KIAA0513: variants seen among roughly 807,000 people sequenced by gnomAD.
KIAA0513 encodes uncharacterized protein KIAA0513.
A neutral mutation model predicts 56.5 loss-of-function variants in KIAA0513; 39 were observed. The ratio of observed to expected loss-of-function variants is 0.69; its 90% CI spans 0.53 to 0.90. KIAA0513 has a LOEUF of 0.90. KIAA0513 is among the 40% of genes least tolerant of loss of function. KIAA0513 has a pLI of 0.00. For missense variants in KIAA0513, 591 were observed against 535.2 expected, an observed-to-expected ratio of 1.10 and a Z score of -1.03; for synonymous variants, 268 against 215.6, an observed-to-expected ratio of 1.24 and a Z score of -2.13.
intron 1 of KIAA0513, among the ~76,000 whole-genome samples, chr16:85,061,896 T>G (rs758457200): frequency 3.9e-5 from 6 of 152,202 alleles, no homozygotes; most frequent in Non-Finnish European, 7.3e-5. Context: ...TCTTTTCCCA[T>G]GAGCGGTGGC....
intron 1 of KIAA0513, among the ~76,000 whole-genome samples, chr16:85,062,828 G>A (rs895547739): frequency 1.2e-4 from 18 of 152,112 alleles, no homozygotes; most frequent in African/African-American, 3.9e-4. Flanking sequence ...CTCTGTTTTC[G>A]CCAGATGGCC....
At chr16:85,052,124 G>A (rs978728890) in intron 1 of KIAA0513, among the ~76,000 whole-genome samples, 5 of 152,120 alleles carry the variant, frequency 3.3e-5, no homozygotes, top group African/African-American at 7.2e-5. Flanking sequence ...GATCGAGACC[G>A]TCCTGGCCAA....
intron 2 of KIAA0513, among the ~76,000 whole-genome samples, chr16:85,068,358 A>C (rs2073520989): frequency 6.8e-6 from 1 of 147,056 alleles, no homozygotes; most frequent in African/African-American, 2.5e-5. Flanking sequence ...TTTGAGACAG[A>C]GTCTGGCTCT....
intron 12 of KIAA0513, among the ~76,000 whole-genome samples, chr16:85,087,692 T>C (rs144469304): frequency 3.5e-3 from 527 of 152,334 alleles, no homozygotes; most frequent in African/African-American, 0.011. Context: ...GCCCCCGCCA[T>C]CTGCCACAGG....
At chr16:85,028,191 A>T (rs949502400) in intron 1 of KIAA0513, among the ~76,000 whole-genome samples, 4 of 152,000 alleles carry the variant, frequency 2.6e-5, no homozygotes, top group African/African-American at 9.7e-5. Context: ...GGCGCCCCCA[A>T]CCCCGGGGCA....
At chr16:85,046,464 G>A (rs374248717) in intron 1 of KIAA0513, among the ~76,000 whole-genome samples, 30 of 152,332 alleles carry the variant, frequency 2.0e-4, no homozygotes, top group Middle Eastern at 3.4e-3. Flanking sequence ...TCAGCCCAGC[G>A]GAGGCCCGTC....
Position 85,081,191 on chromosome 16 carries a change from C to G in KIAA0513, c.903-124C>G. 3.4e-6 allele frequency: 3 copies of G among 874,090 alleles called. No individual in the cohort carries two copies. The highest frequency in any genetic ancestry group is 5.7e-6 in the Non-Finnish European group (3 of 525,358). 54.1% of individuals were successfully genotyped at this position (874,090 alleles called of 1,614,324 possible). Reference sequence around the variant, plus strand: ...GTTTTTCCTTCTCAGCCCTACCTCTCTGAGACTTCTTAGAAGCTCAGACAG... The same window carrying G: ...GTTTTTCCTTCTCAGCCCTACCTCTGTGAGACTTCTTAGAAGCTCAGACAG... On this transcript the variant is annotated intron_variant, in intron 8 of 12. Coordinates refer to ENST00000683363, the MANE Select transcript of KIAA0513 (RefSeq NM_001388359.1). This position sits in a 1 kb window ranked among gnomAD's most constrained non-coding sequence, Gnocchi z 4.4.
At chr16:85,049,713 T>C (rs2073222308) in intron 1 of KIAA0513, among the ~76,000 whole-genome samples, 1 of 152,210 alleles carries the variant, frequency 6.6e-6, no homozygotes, top group Non-Finnish European at 1.5e-5. Flanking sequence ...GATGCCAGCA[T>C]CATGCTTCCT....
At chr16:85,084,881 G>A (rs577273978) in intron 10 of KIAA0513, among the ~76,000 whole-genome samples, 1 of 152,356 alleles carries the variant, frequency 6.6e-6, no homozygotes, top group African/African-American at 2.4e-5. Flanking sequence ...GTTGTAAGAA[G>A]TGATTTTATC....
At chr16:85,044,588 C>G (rs935922600) in intron 1 of KIAA0513, among the ~76,000 whole-genome samples, 1 of 151,618 alleles carries the variant, frequency 6.6e-6, no homozygotes. Flanking sequence ...CTCACAGCAA[C>G]CTCTGCCTCC....
At chr16:85,078,320 A>C (rs902802902) in intron 6 of KIAA0513, 95 bp from the exon 7 acceptor site, 1 of 1,338,078 alleles carries the variant, frequency 7.5e-7, no homozygotes, top group African/African-American at 1.5e-5. Flanking sequence ...TATTAAATGT[A>C]CCCAGTCCCA....
At chr16:85,056,624 GGCCGCGCTCGCC>G (rs2073333604) in intron 1 of KIAA0513, among the ~76,000 whole-genome samples, 1 of 152,070 alleles carries the variant, frequency 6.6e-6, no homozygotes, top group Non-Finnish European at 1.5e-5. Context: ...CATTCCTCCG[GGCCGCGCTCGCC>G]GAGAGCCCTT....
chr16:85,042,203 T>C, intron 1 of KIAA0513, among the ~76,000 whole-genome samples: 1 of 152,228 alleles, frequency 6.6e-6, no homozygotes, highest in South Asian at 2.1e-4. Flanking sequence ...GGGTGAAAAG[T>C]GCTAAGCCCT....
rs760885458 is a variant in KIAA0513, at chr16:85,077,526, A to G, written c.676A>G (p.Ile226Val). The G allele has an allele frequency of 8.7e-6, 14 of 1,614,094 alleles. No individual in the cohort carries two copies. Among genetic ancestry groups the G allele is most frequent in the Non-Finnish European group, 1.2e-5 (14 of 1,180,034 alleles). ...ANSWLAEKKD[I>V]AERLLKNTSA... ...CAGCTGGCTGGCCGAAAAGAAGGAC[A>G]TCGCCGAGCGGCTGCTGAAGAACAC... is the stretch of plus-strand genomic sequence containing the variant. The change falls in exon 6 of 13, where the codon ATC (isoleucine) becomes GTC (valine). Residue 226 changes from isoleucine (I) to valine (V), a missense_variant. By Grantham distance (29) the Ile-to-Val change is conservative. Transcript: ENST00000683363.
intron 1 of KIAA0513, among the ~76,000 whole-genome samples, chr16:85,030,352 G>T (rs975993396): frequency 9.9e-5 from 15 of 152,178 alleles, no homozygotes; most frequent in Admixed American, 8.5e-4. Flanking sequence ...GAGAAATGCG[G>T]TGGTTGTGAA....
In KIAA0513 at chr16:85,079,020, G is replaced by A. The variant is rs1291156947; in HGVS notation, c.902+17G>A. 8.7e-6 allele frequency: 14 copies of A among 1,613,970 alleles called. No homozygotes were observed. The highest frequency in any genetic ancestry group is 8.3e-5 in the Admixed American group (5 of 60,004). ...GCCCATCTGGTAAGGCCGAGCCCGC[G>A]GCTTCCCGTCACCCTCTTACTGACG... On this transcript the variant is annotated intron_variant, in intron 8 of 12. Transcript: ENST00000683363.
Position 85,065,619 on chromosome 16 carries a change from T to A in KIAA0513, c.-172-1281T>A, listed in dbSNP as rs541734952. On this transcript the variant is annotated intron_variant, in intron 1 of 12. Transcript: ENST00000683363. ...GCTCTTAAGAGGCAGAAAAGGCCAT[T>A]CTGCTATTGAATTGTCCTCTGAAGA... Among the ~76,000 whole-genome samples the A allele has an allele frequency of 5.9e-5, 9 of 152,340 alleles. No individual in the cohort carries two copies. In the East Asian group the frequency reaches 1.7e-3, roughly 29 times the overall value.
At chr16:85,051,503 G>A (rs186511251) in intron 1 of KIAA0513, among the ~76,000 whole-genome samples, 114 of 152,122 alleles carry the variant, frequency 7.5e-4, no homozygotes, top group African/African-American at 2.0e-3. Flanking sequence ...TCCCCTTCCC[G>A]CTTCCCTCAA....
intron 1 of KIAA0513, among the ~76,000 whole-genome samples, chr16:85,051,801 T>G (rs1382102972): frequency 6.6e-6 from 1 of 151,610 alleles, no homozygotes; most frequent in Non-Finnish European, 1.5e-5. Flanking sequence ...TCTTGGTAGC[T>G]CTCGCCTTTT....
Sources: allele counts gnomAD v4.1 joint callset (sites outside exome capture counted in the v4.1 genomes callset), GRCh38; gene constraint gnomAD v4.1.1; non-coding constraint Gnocchi (gnomAD v3.1); transcripts MANE v1.5; gene names NCBI Gene and HGNC (gene_info 2026-07-23, HGNC 2026-07-21).